The following PCSK6 variants were observed in gnomAD, a reference collection of about 807,000 sequenced individuals.
PCSK6 encodes the protein proprotein convertase subtilisin/kexin type 6.
In PCSK6, 85 loss-of-function variants were observed where a neutral mutation model predicts 123.3. The observed-to-expected ratio is 0.69, with a 90% CI of 0.58 to 0.83. The LOEUF is 0.83. Among genes scored for constraint, PCSK6 ranks in the 40% least tolerant of loss-of-function variants. The pLI is 0.00. For missense variants in PCSK6, 1,191 were observed against 1,282.3 expected, an observed-to-expected ratio of 0.93 and a Z score of 1.09; for synonymous variants, 508 against 516.0, an observed-to-expected ratio of 0.98 and a Z score of 0.21.
rs1381805808 is a variant in PCSK6, at chr15:101,389,459, C to A, written c.1310+5G>T. 1.2e-6 allele frequency: 2 copies of A among 1,604,984 alleles called. No homozygotes were observed. Among genetic ancestry groups the A allele is most frequent in the Non-Finnish European group, 1.7e-6 (2 of 1,172,482 alleles). ...TTTTTTAGAAAAAGGTAAGTGGGAA[C>A]TTACTTTGCTTCTAGAGCCAAGGCG... On this transcript the variant is annotated splice_donor_5th_base_variant and intron_variant, in intron 9 of 21. Coordinates refer to ENST00000611716, the MANE Select transcript of PCSK6 (RefSeq NM_002570.5).
Position 101,324,872 on chromosome 15 carries a change from A to C in PCSK6, c.2355T>G (p.Pro785=), listed in dbSNP as rs904978454. 6.2e-7 allele frequency: 1 copy of C among 1,613,206 alleles called. No individual in the cohort carries two copies. Among genetic ancestry groups the C allele is most frequent in the Non-Finnish European group, 8.5e-7 (1 of 1,179,680 alleles). Residue 785 remains proline, a synonymous_variant, in exon 17 of 22, where the codon CCT becomes CCG. Transcript: ENST00000611716. ...QEMNTCVTLC[P]AGFYADESQK... Reference sequence around the variant, plus strand: ...TACTTTCATCAGCATAAAATCCTGCAGGACAGAGGGTCACACAGGTGTTCA... The same window carrying C: ...TACTTTCATCAGCATAAAATCCTGCCGGACAGAGGGTCACACAGGTGTTCA...
intron 13 of PCSK6, among the ~76,000 whole-genome samples, chr15:101,353,238 C>T (rs535999378): frequency 1.1e-4 from 17 of 152,326 alleles, no homozygotes; most frequent in African/African-American, 3.8e-4. Flanking sequence ...ATTAGATTCT[C>T]ATAAGGAGCG....
At position 101,332,013 on chromosome 15, in the gene PCSK6, C is replaced by T. The variant is rs1209689016; in HGVS notation, c.1877G>A (p.Ser626Asn). Residue 626 changes from serine (S) to asparagine (N), a missense_variant, in exon 14 of 22, where the codon AGC becomes AAC. Physicochemically the swap from Ser to Asn is conservative, Grantham distance 46. Transcript: ENST00000611716. ...CTCTGCTGTGCCATACAGTATGAGG[C>T]TCCATTCTTTCAACTTCCCTGGAAG... Reference protein sequence around the residue: ...PEKQGKLKEWSLILYGTAEHP... With the variant: ...PEKQGKLKEWNLILYGTAEHP... The T allele has an allele frequency of 6.3e-7, 1 of 1,597,124 alleles. No homozygotes were observed. Among genetic ancestry groups the T allele is most frequent in the East Asian group, 2.2e-5 (1 of 44,480 alleles).
At chr15:101,399,551 G>A (rs66846923) in intron 6 of PCSK6, among the ~76,000 whole-genome samples, 13,283 of 152,218 alleles carry the variant, frequency 0.087, 788 homozygotes, top group East Asian at 0.22. Flanking sequence ...AGCCAGGGGC[G>A]TCCCTTCTTG....
intron 1 of PCSK6, among the ~76,000 whole-genome samples, chr15:101,465,412 G>T (rs2141218178): frequency 6.6e-6 from 1 of 152,322 alleles, no homozygotes; most frequent in East Asian, 1.9e-4. Context: ...ACCATCTGAT[G>T]GTACGTCCAG....
At chr15:101,475,353 G>A (rs905191430) in intron 1 of PCSK6, among the ~76,000 whole-genome samples, 2 of 152,052 alleles carry the variant, frequency 1.3e-5, no homozygotes. Flanking sequence ...TAAAAACAAG[G>A]GATGAATATC....
At chr15:101,403,255 A>C (rs1417415204) in intron 6 of PCSK6, among the ~76,000 whole-genome samples, 1 of 115,720 alleles carries the variant, frequency 8.6e-6, no homozygotes, top group Admixed American at 1.2e-4. Context: ...GGAACATCAC[A>C]CTCTGGGGAC....
At chr15:101,438,689 C>T (rs551965206) in intron 2 of PCSK6, among the ~76,000 whole-genome samples, 2 of 152,342 alleles carry the variant, frequency 1.3e-5, no homozygotes, top group South Asian at 2.1e-4. Flanking sequence ...CCAGGAACCA[C>T]CTGCAGCTCC....
At chr15:101,352,236 C>T (rs1461693262) in intron 13 of PCSK6, among the ~76,000 whole-genome samples, 3 of 147,996 alleles carry the variant, frequency 2.0e-5, no homozygotes, top group African/African-American at 7.6e-5. Context: ...CAAGCTCTGC[C>T]TCCCGGGTTC....
intron 20 of PCSK6, among the ~76,000 whole-genome samples, chr15:101,310,331 T>C (rs888779166): frequency 2.0e-5 from 3 of 152,158 alleles, no homozygotes; most frequent in Admixed American, 6.5e-5. Context: ...GCGGTGGGGC[T>C]GCCCGCCTGC....
At chr15:101,366,731 G>A (rs2041405287) in intron 12 of PCSK6, among the ~76,000 whole-genome samples, 1 of 152,160 alleles carries the variant, frequency 6.6e-6, no homozygotes, top group African/African-American at 2.4e-5. Flanking sequence ...CCAGTGCCCG[G>A]ATGCACGAAA....
Position 101,305,062 on chromosome 15 carries a change from GA to G in PCSK6, c.*195del. On this transcript the variant is annotated 3_prime_UTR_variant, in exon 22 of 22. Transcript: ENST00000611716. This position sits in a 1 kb window ranked among gnomAD's most constrained non-coding sequence, Gnocchi z 4.8. ...GGAGCCAACAAGCAGCATTTGAGAGGATATCACCATTTTAGGAACACCTCCT... is the reference window on the plus strand; with the variant it reads ...GGAGCCAACAAGCAGCATTTGAGAGGTATCACCATTTTAGGAACACCTCCT... 1.7e-6 allele frequency: 1 copy of G among 576,456 alleles called. No individual in the cohort carries two copies. Among genetic ancestry groups the G allele is most frequent in the Non-Finnish European group, 3.1e-6 (1 of 322,216 alleles). 35.7% of individuals were successfully genotyped at this position (576,456 alleles called of 1,614,324 possible).
intron 4 of PCSK6, among the ~76,000 whole-genome samples, chr15:101,430,301 T>TGCTACCCATCTCCAG (rs993669572): frequency 2.0e-5 from 3 of 152,128 alleles, no homozygotes; most frequent in African/African-American, 7.2e-5. Context: ...AGGCCATCGC[T>TGCTACCCATCTCCAG]GCTACCCATC....
At chr15:101,345,098 T>G (rs1489983433) in intron 13 of PCSK6, among the ~76,000 whole-genome samples, 1 of 152,194 alleles carries the variant, frequency 6.6e-6, no homozygotes, top group African/African-American at 2.4e-5. Flanking sequence ...TGGGTGCCCC[T>G]GAGGTCCCAG....
intron 10 of PCSK6, 55 bp downstream of exon 10, chr15:101,384,267 C>A (rs778585668): frequency 6.3e-7 from 1 of 1,587,594 alleles, no homozygotes; most frequent in Non-Finnish European, 8.6e-7. Context: ...TCATGACACC[C>A]CTTCCTACAC....
intron 1 of PCSK6, among the ~76,000 whole-genome samples, chr15:101,448,073 A>G (rs1158227038): frequency 2.0e-5 from 3 of 152,262 alleles, no homozygotes; most frequent in African/African-American, 7.2e-5. Context: ...TAATGTCATA[A>G]CATGAAATTT....
intron 6 of PCSK6, among the ~76,000 whole-genome samples, chr15:101,412,709 AT>A (rs2055736745): frequency 7.2e-6 from 1 of 139,580 alleles, no homozygotes; most frequent in African/African-American, 2.9e-5. Flanking sequence ...ATATATATAT[AT>A]ATAAAATTAC....
At position 101,324,885 on chromosome 15, in the gene PCSK6, A is replaced by G. The variant is rs2040211790; in HGVS notation, c.2342T>C (p.Val781Ala). The G allele has an allele frequency of 6.2e-7, 1 of 1,613,660 alleles. No homozygotes were observed. Among genetic ancestry groups the G allele is most frequent in the Non-Finnish European group, 8.5e-7 (1 of 1,179,884 alleles). Residue 781 changes from valine (V) to alanine (A), a missense_variant, in exon 17 of 22, where the codon GTG becomes GCG. By Grantham distance (64) the Val-to-Ala change is moderately conservative. Coordinates refer to ENST00000611716, the MANE Select transcript of PCSK6 (RefSeq NM_002570.5). Reference sequence around the variant, plus strand: ...ATAAAATCCTGCAGGACAGAGGGTCACACAGGTGTTCATCTCCTGGTGGTG... The same window carrying G: ...ATAAAATCCTGCAGGACAGAGGGTCGCACAGGTGTTCATCTCCTGGTGGTG... ...FYHHQEMNTC[V>A]TLCPAGFYAD... is the part of the protein sequence containing the mutation.
intron 1 of PCSK6, among the ~76,000 whole-genome samples, chr15:101,444,105 A>T (rs1449516238): frequency 1.3e-5 from 2 of 152,190 alleles, no homozygotes; most frequent in Non-Finnish European, 2.9e-5. Flanking sequence ...TCGAAGAATG[A>T]ACACTCACTC....
Sources: allele counts gnomAD v4.1 joint callset (sites outside exome capture counted in the v4.1 genomes callset), GRCh38; gene constraint gnomAD v4.1.1; non-coding constraint Gnocchi (gnomAD v3.1); transcripts MANE v1.5; gene names NCBI Gene and HGNC (gene_info 2026-07-23, HGNC 2026-07-21).